SLC6A9: variants seen among roughly 807,000 people sequenced by gnomAD.
SLC6A9 encodes sodium- and chloride-dependent glycine transporter 1.
Under a neutral mutation model 70.9 loss-of-function variants are expected in SLC6A9, and 31 were observed. The ratio of observed to expected loss-of-function variants is 0.44; its 90% CI spans 0.33 to 0.59. The LOEUF (loss-of-function observed/expected upper bound fraction) is 0.59. SLC6A9 is among the 20% of genes least tolerant of loss of function. SLC6A9 has a pLI of 0.04. For synonymous variants in SLC6A9, 310 were observed against 341.3 expected, an observed-to-expected ratio of 0.91 and a Z score of 1.01; for missense variants, 631 against 845.2, an observed-to-expected ratio of 0.75 and a Z score of 3.14.
chr1:44,010,469 G>GGGGGGGGGGGGGGGT (rs2086518126), intron 3 of SLC6A9: 1 of 254,144 alleles, frequency 3.9e-6, no homozygotes. Flanking sequence ...GGGGGGGGGG[G>GGGGGGGGGGGGGGGT]GGTTAGGTCC....
At chr1:44,010,507 G>T (rs1389521090) in intron 3 of SLC6A9, 2 of 378,926 alleles carry the variant, frequency 5.3e-6, no homozygotes, top group African/African-American at 2.0e-5. Context: ...ACCTCAAAGG[G>T]GGCCAACTGG....
At chr1:44,008,268 A>T in intron 5 of SLC6A9, 85 bp downstream of exon 5, 1 of 1,382,164 alleles carries the variant, frequency 7.2e-7, no homozygotes, top group East Asian at 2.3e-5. Flanking sequence ...TGCAGCAGGC[A>T]CCCTACTTTG....
In SLC6A9 at chr1:44,013,045, C is replaced by T. The variant is rs566812614; in HGVS notation, c.31-2163G>A. Among the ~76,000 whole-genome samples the T allele has an allele frequency of 6.6e-6, 1 of 152,218 alleles. No homozygotes were observed. The highest frequency in any genetic ancestry group is 1.5e-5 in the Non-Finnish European group (1 of 68,036). ...TTGACCCTACAATACCAGTTTTATTCTGTCCCAGGGTTGTTTACTTAGGGG... is the reference window on the plus strand; with the variant it reads ...TTGACCCTACAATACCAGTTTTATTTTGTCCCAGGGTTGTTTACTTAGGGG... On this transcript the variant is annotated intron_variant, in intron 2 of 13. Transcript: ENST00000372310. This position sits in a 1 kb window ranked among gnomAD's most constrained non-coding sequence, Gnocchi z 5.3.
chr1:44,001,173 G>A lies in SLC6A9; in HGVS notation c.1326C>T (p.Leu442=). ...CTTACGCAGCTCTTACCTGGCTGGT[G>A]AGGGGGATGCCCAGCAGGAAGCCAG... The part of the protein sequence containing the change: ...AVAGFLLGIP[L]TSQAGIYWLL... Residue 442 remains leucine, a synonymous_variant, in exon 10 of 14, where the codon CTC becomes CTT. Transcript: ENST00000372310. 1.9e-6 allele frequency: 3 copies of A among 1,614,256 alleles called. No homozygotes were observed. Among genetic ancestry groups the A allele is most frequent in the African/African-American group, 1.3e-5 (1 of 75,072 alleles).
chr1:44,029,133 A>T (rs143855355), intron 1 of SLC6A9, among the ~76,000 whole-genome samples: 44 of 152,336 alleles, frequency 2.9e-4, no homozygotes, highest in Middle Eastern at 3.4e-3. Context: ...CATCAGCCAC[A>T]GAACCCTGGC....
chr1:44,015,309 C>G (rs952649804), intron 2 of SLC6A9, among the ~76,000 whole-genome samples: 6 of 152,194 alleles, frequency 3.9e-5, no homozygotes, highest in Non-Finnish European at 8.8e-5. Context: ...CTCCCGCCTC[C>G]TAGATCAGTG....
intron 2 of SLC6A9, among the ~76,000 whole-genome samples, chr1:44,023,567 G>A (rs115730622): frequency 0.018 from 2,747 of 152,126 alleles, 85 homozygotes; most frequent in African/African-American, 0.063. Flanking sequence ...GCTTGAACCC[G>A]GCAGGGGCAG....
intron 12 of SLC6A9, among the ~76,000 whole-genome samples, chr1:43,998,279 T>C (rs1477611357): frequency 6.6e-6 from 1 of 152,206 alleles, no homozygotes; most frequent in Admixed American, 6.5e-5. Flanking sequence ...CCAAGCACAG[T>C]AGAGCTGCTG....
chr1:44,000,877 T>C lies in SLC6A9; in HGVS notation c.1436-10A>G. The C allele has an allele frequency of 6.2e-7, 1 of 1,601,388 alleles. No homozygotes were observed. Among genetic ancestry groups the C allele is most frequent in the Non-Finnish European group, 8.5e-7 (1 of 1,173,014 alleles). On this transcript the variant is annotated splice_polypyrimidine_tract_variant and intron_variant, in intron 11 of 13. Transcript: ENST00000372310. Reference sequence around the variant, plus strand: ...AAGTAGTTCCGGTGCCCTGGAGAGATGGGGGGTCAGCAGACCCGCAGGACA... The same window carrying C: ...AAGTAGTTCCGGTGCCCTGGAGAGACGGGGGGTCAGCAGACCCGCAGGACA...
intron 4 of SLC6A9, 95 bp downstream of exon 4, chr1:44,009,870 T>C (rs2154305868): frequency 1.4e-6 from 2 of 1,435,600 alleles, no homozygotes; most frequent in South Asian, 2.6e-5. Context: ...TCTACAGAGG[T>C]CAGCCATGTT....
intron 2 of SLC6A9, among the ~76,000 whole-genome samples, chr1:44,022,012 G>A (rs144261158): frequency 3.2e-4 from 49 of 152,366 alleles, no homozygotes; most frequent in Non-Finnish European, 5.9e-4. Context: ...GGCCTCAAAC[G>A]CAGCAACAGT....
At chr1:44,023,504 T>C (rs2086925502) in intron 2 of SLC6A9, among the ~76,000 whole-genome samples, 1 of 152,006 alleles carries the variant, frequency 6.6e-6, no homozygotes, top group South Asian at 2.1e-4. Flanking sequence ...TAGCTAGGCA[T>C]GGTGGCTCAT....
chr1:44,029,772 A>G (rs2087058925), intron 1 of SLC6A9, among the ~76,000 whole-genome samples: 1 of 152,162 alleles, frequency 6.6e-6, no homozygotes, highest in South Asian at 2.1e-4. Flanking sequence ...TAGGCCAAGT[A>G]AAGGGGGCGT....
chr1:44,009,815 C>T, intron 4 of SLC6A9, 150 bp downstream of exon 4: 2 of 913,880 alleles, frequency 2.2e-6, no homozygotes, highest in Non-Finnish European at 3.3e-6. Context: ...AGCATGCATC[C>T]ATGGCTTAGG....
intron 2 of SLC6A9, chr1:44,016,939 C>T (rs911016881): frequency 5.2e-6 from 6 of 1,160,344 alleles, no homozygotes; most frequent in Non-Finnish European, 7.1e-6. Context: ...CTGGCTGTGC[C>T]TGCCCCTCCC....
At chr1:44,000,499 G>T (rs1017406186) in intron 12 of SLC6A9, among the ~76,000 whole-genome samples, 7 of 152,250 alleles carry the variant, frequency 4.6e-5, no homozygotes, top group African/African-American at 1.7e-4. Context: ...CCCCGGGGGT[G>T]CCAGGCAGGA....
chr1:44,000,667 C>T, intron 12 of SLC6A9, 100 bp downstream of exon 12: 1 of 772,910 alleles, frequency 1.3e-6, no homozygotes, highest in South Asian at 1.7e-5. Context: ...GGAGCTCCGG[C>T]CAGGTGCGGG....
chr1:43,999,379 A>G (rs2086004544), intron 12 of SLC6A9, among the ~76,000 whole-genome samples: 1 of 151,672 alleles, frequency 6.6e-6, no homozygotes, highest in African/African-American at 2.4e-5. Flanking sequence ...TGGAGACACC[A>G]GATCCCAGCC....
intron 8 of SLC6A9, among the ~76,000 whole-genome samples, chr1:44,001,854 A>C (rs1008267757): frequency 1.3e-5 from 2 of 152,116 alleles, no homozygotes; most frequent in African/African-American, 4.8e-5. Flanking sequence ...CAGCCTCCTA[A>C]GTAGCTGGGA....
Sources: allele counts gnomAD v4.1 joint callset (sites outside exome capture counted in the v4.1 genomes callset), GRCh38; gene constraint gnomAD v4.1.1; non-coding constraint Gnocchi (gnomAD v3.1); transcripts MANE v1.5; gene names NCBI Gene and HGNC (gene_info 2026-07-23, HGNC 2026-07-21).